The following EPS15L1 variants were observed in gnomAD, a reference collection of about 807,000 sequenced individuals.
EPS15L1 encodes the protein epidermal growth factor receptor substrate 15-like 1.
A neutral mutation model predicts 117.1 loss-of-function variants in EPS15L1; 43 were observed. The observed-to-expected ratio is 0.37, with a 90% CI of 0.29 to 0.47. The LOEUF is 0.47. EPS15L1 is among the 20% of genes least tolerant of loss of function. EPS15L1 has a pLI of 0.99. For synonymous variants in EPS15L1, 459 were observed against 470.5 expected, an observed-to-expected ratio of 0.98 and a Z score of 0.32; for missense variants, 981 against 1,164.0, an observed-to-expected ratio of 0.84 and a Z score of 2.29.
intron 1 of EPS15L1, among the ~76,000 whole-genome samples, chr19:16,458,047 C>T (rs1042343896): frequency 4.6e-5 from 7 of 152,156 alleles, no homozygotes; most frequent in Middle Eastern, 3.2e-3. Context: ...AATGTCCCTG[C>T]CATCTACTAC....
intron 19 of EPS15L1, among the ~76,000 whole-genome samples, chr19:16,391,858 G>A (rs1356987660): frequency 3.3e-5 from 5 of 152,116 alleles, no homozygotes; most frequent in Non-Finnish European, 7.4e-5. Context: ...TACCAAACGT[G>A]ACTCTAAGGT....
At chr19:16,387,046 T>C (rs2092427294) in intron 19 of EPS15L1, among the ~76,000 whole-genome samples, 1 of 152,066 alleles carries the variant, frequency 6.6e-6, no homozygotes, top group African/African-American at 2.4e-5. Flanking sequence ...ACCCAGATGG[T>C]GGAACTCTGA....
chr19:16,415,819 C>A (rs1377601597), intron 12 of EPS15L1, among the ~76,000 whole-genome samples: 2 of 152,236 alleles, frequency 1.3e-5, no homozygotes, highest in Non-Finnish European at 2.9e-5. Flanking sequence ...GACCCTTGCA[C>A]GACAGGGGCT....
intron 9 of EPS15L1, among the ~76,000 whole-genome samples, chr19:16,424,184 G>A (rs933771151): frequency 6.6e-6 from 1 of 152,218 alleles, no homozygotes; most frequent in Non-Finnish European, 1.5e-5. Flanking sequence ...TGGCCCTTGG[G>A]AGGCCCAGAC....
intron 4 of EPS15L1, among the ~76,000 whole-genome samples, chr19:16,439,472 G>C (rs547721958): frequency 1.1e-4 from 16 of 152,002 alleles, no homozygotes; most frequent in Non-Finnish European, 2.1e-4. Flanking sequence ...TGGGAGGATT[G>C]CTTGAGCACA....
chr19:16,431,972 G>A (rs901899149), intron 7 of EPS15L1, among the ~76,000 whole-genome samples: 1 of 152,188 alleles, frequency 6.6e-6, no homozygotes, highest in African/African-American at 2.4e-5. Flanking sequence ...GTCGTGGGAC[G>A]TGAAACCCGA....
intron 23 of EPS15L1, among the ~76,000 whole-genome samples, chr19:16,359,805 T>G (rs1377318657): frequency 6.6e-6 from 1 of 151,368 alleles, no homozygotes; most frequent in Non-Finnish European, 1.5e-5. Context: ...AAGGCTGCAG[T>G]GAAGCTGTGA....
intron 21 of EPS15L1, among the ~76,000 whole-genome samples, chr19:16,380,758 A>G (rs1358451037): frequency 3.9e-5 from 6 of 152,242 alleles, no homozygotes; most frequent in African/African-American, 1.4e-4. Flanking sequence ...ATTTAGTTGC[A>G]CAGACATGGC....
chr19:16,419,646 C>G (rs1774349905), intron 10 of EPS15L1, among the ~76,000 whole-genome samples: 1 of 152,202 alleles, frequency 6.6e-6, no homozygotes, highest in South Asian at 2.1e-4. Flanking sequence ...TCCCCTTTTA[C>G]CAAAAGAGAG....
chr19:16,359,183 C>G (rs1178938893), intron 23 of EPS15L1, among the ~76,000 whole-genome samples: 1 of 152,168 alleles, frequency 6.6e-6, no homozygotes. Flanking sequence ...AACGTCCACG[C>G]TGAAAGAGTC....
intron 12 of EPS15L1, among the ~76,000 whole-genome samples, chr19:16,414,616 G>C (rs1419169154): frequency 6.6e-6 from 1 of 151,848 alleles, no homozygotes. Context: ...GGCCAGGATA[G>C]TCTTGATCTC....
intron 23 of EPS15L1, among the ~76,000 whole-genome samples, chr19:16,359,295 A>G (rs915924105): frequency 1.3e-5 from 2 of 152,230 alleles, no homozygotes; most frequent in Admixed American, 6.5e-5. Context: ...CTTCTAAGTT[A>G]GCACAAATAG....
intron 10 of EPS15L1, among the ~76,000 whole-genome samples, chr19:16,418,799 T>C (rs1307763351): frequency 6.6e-6 from 1 of 152,118 alleles, no homozygotes; most frequent in African/African-American, 2.4e-5. Flanking sequence ...CCTTTTGCCA[T>C]GTGAGGACAC....
intron 12 of EPS15L1, 112 bp from the exon 13 acceptor site, chr19:16,413,957 G>T: frequency 1.3e-6 from 1 of 767,922 alleles, no homozygotes; most frequent in Non-Finnish European, 2.2e-6. Context: ...GCTGGCAGAA[G>T]TCTAAGAATG....
chr19:16,463,668 C>G (rs1269010812), intron 1 of EPS15L1, among the ~76,000 whole-genome samples: 1 of 152,216 alleles, frequency 6.6e-6, no homozygotes, highest in Non-Finnish European at 1.5e-5. Flanking sequence ...CAGGCACAGT[C>G]TCTGCCCTTG....
intron 18 of EPS15L1, among the ~76,000 whole-genome samples, chr19:16,393,643 C>T (rs1399191900): frequency 7.8e-5 from 11 of 141,184 alleles, no homozygotes; most frequent in African/African-American, 2.6e-4. Context: ...AGCGAGACTC[C>T]GTCTCAAAAA....
In EPS15L1 at chr19:16,469,050, G is replaced by A. The variant is rs967515340; in HGVS notation, c.33+2863C>T. Reference sequence around the variant, plus strand: ...TCAAAAAGATGACTTCCACAGTGGCGTGGGATTAAGTGGGAGGGAGTGGGC... The same window carrying A: ...TCAAAAAGATGACTTCCACAGTGGCATGGGATTAAGTGGGAGGGAGTGGGC... On this transcript the variant is annotated intron_variant, in intron 1 of 23. Coordinates refer to ENST00000455140, the MANE Select transcript of EPS15L1 (RefSeq NM_001258374.3). Among the ~76,000 whole-genome samples, 7 of 152,078 alleles carry A rather than the reference G, an allele frequency of 4.6e-5. 1 individual carries two copies. The South Asian group carries it at 6.2e-4, about 14-fold the overall frequency.
In EPS15L1 at chr19:16,368,969, C is replaced by G. The variant is rs77739376; in HGVS notation, c.2381-6985G>C. Among the ~76,000 whole-genome samples, 10 of 152,330 alleles carry G rather than the reference C, an allele frequency of 6.6e-5. No individual in the cohort carries two copies. In the East Asian group the frequency reaches 1.5e-3, roughly 23 times the overall value. ...TCCAAGGCCACTGACATGTCTTATT[C>G]CACCCTCCCCATCCTGCCAGAAAAA... On this transcript the variant is annotated intron_variant, in intron 22 of 23. Transcript: ENST00000455140.
intron 12 of EPS15L1, among the ~76,000 whole-genome samples, chr19:16,417,275 T>C (rs547990201): frequency 9.7e-4 from 147 of 152,196 alleles, no homozygotes; most frequent in African/African-American, 3.3e-3. Context: ...GCCCACGACC[T>C]GCCTGGGACC....
Sources: gnomAD v4.1 joint callset for allele counts (sites outside exome capture counted in the v4.1 genomes callset) on GRCh38, gnomAD v4.1.1 for gene constraint, MANE v1.5 for transcripts, NCBI Gene and HGNC (gene_info 2026-07-23, HGNC 2026-07-21) for gene names.